Variants in NEDD4L observed in about 807,000 individuals in gnomAD.
NEDD4L encodes E3 ubiquitin-protein ligase NEDD4-like.
Under a neutral mutation model 148.9 loss-of-function variants are expected in NEDD4L, and 54 were observed. The observed-to-expected ratio is 0.36, with a 90% CI of 0.29 to 0.45. The LOEUF (loss-of-function observed/expected upper bound fraction) is 0.45, where lower values mean the gene tolerates loss of function less well. Among genes scored for constraint, NEDD4L ranks in the 20% least tolerant of loss-of-function variants. NEDD4L has a pLI of 1.00. For synonymous variants in NEDD4L, 433 were observed against 440.7 expected (o/e 0.98, Z 0.22); for missense variants, 856 against 1,233.8 (o/e 0.69, Z 4.59).
chr18:58,125,620 C>G (rs1284256295), intron 1 of NEDD4L, among the ~76,000 whole-genome samples: 3 of 152,204 alleles, frequency 2.0e-5, no homozygotes, highest in African/African-American at 7.2e-5. Flanking sequence ...TCTCCACTCT[C>G]TTCTCTGTGC....
intron 1 of NEDD4L, among the ~76,000 whole-genome samples, chr18:58,115,820 A>G (rs888206993): frequency 2.6e-5 from 4 of 152,228 alleles, no homozygotes; most frequent in Non-Finnish European, 5.9e-5. Context: ...CTTTTGGGCA[A>G]ACTTGACATT....
chr18:58,379,590 C>T (rs1568912665), intron 24 of NEDD4L, among the ~76,000 whole-genome samples: 1 of 152,178 alleles, frequency 6.6e-6, no homozygotes, highest in Non-Finnish European at 1.5e-5. Flanking sequence ...GCCGCCTCTC[C>T]AACCCCCATG....
intron 1 of NEDD4L, among the ~76,000 whole-genome samples, chr18:58,129,244 G>C (rs1305109458): frequency 6.6e-6 from 1 of 152,206 alleles, no homozygotes; most frequent in East Asian, 1.9e-4. Context: ...TGCTCAGCCT[G>C]CTTGCATCTC....
chr18:58,254,094 T>C (rs947940929), intron 5 of NEDD4L, among the ~76,000 whole-genome samples: 11 of 152,176 alleles, frequency 7.2e-5, no homozygotes, highest in Admixed American at 2.6e-4. Context: ...TCCATTTCTC[T>C]CATAGAGGTC....
chr18:58,255,179 T>C (rs2048360393), intron 5 of NEDD4L, among the ~76,000 whole-genome samples: 1 of 152,110 alleles, frequency 6.6e-6, no homozygotes, highest in African/African-American at 2.4e-5. Context: ...GCGAATGTGA[T>C]GTGGTTTAGA....
intron 5 of NEDD4L, among the ~76,000 whole-genome samples, chr18:58,314,215 G>A (rs1482166774): frequency 1.3e-5 from 2 of 152,112 alleles, no homozygotes; most frequent in Admixed American, 6.6e-5. Flanking sequence ...TCAGATGTTC[G>A]AGACCAGCCT....
chr18:58,253,991 G>GT (rs35718137), intron 5 of NEDD4L, among the ~76,000 whole-genome samples: 49,083 of 146,284 alleles, frequency 0.34, 8,200 homozygotes, highest in Non-Finnish European at 0.38. Flanking sequence ...TGGTGTTGCT[G>GT]TTTTTTTTTT....
chr18:58,143,897 A>G (rs1392815551), intron 1 of NEDD4L, among the ~76,000 whole-genome samples: 2 of 152,038 alleles, frequency 1.3e-5, no homozygotes, highest in Admixed American at 6.5e-5. Flanking sequence ...AGAAATGGGC[A>G]TTTTCCCTGT....
intron 2 of NEDD4L, among the ~76,000 whole-genome samples, chr18:58,172,878 TAA>T (rs1289506066): frequency 6.6e-6 from 1 of 152,222 alleles, no homozygotes; most frequent in Non-Finnish European, 1.5e-5. Flanking sequence ...TTCTTGAGGA[TAA>T]AAGTTTGAGA....
chr18:58,176,510 A>C (rs185128919), intron 2 of NEDD4L, among the ~76,000 whole-genome samples: 1 of 152,128 alleles, frequency 6.6e-6, no homozygotes, highest in African/African-American at 2.4e-5. Flanking sequence ...ATTTTTAAAA[A>C]TTTTTATAGA....
intron 1 of NEDD4L, among the ~76,000 whole-genome samples, chr18:58,151,658 T>TGTGTGTGTGTGTGTGTGTGTGTGTGTG (rs60365242): frequency 1.3e-5 from 2 of 151,044 alleles, no homozygotes; most frequent in East Asian, 3.9e-4. Context: ...TGTGTGTGTG[T>TGTGTGTGTGTGTGTGTGTGTGTGTGTG]TGGCTGGAGA....
At chr18:58,192,171 A>T (rs573233284) in intron 2 of NEDD4L, among the ~76,000 whole-genome samples, 44 of 152,316 alleles carry the variant, frequency 2.9e-4, no homozygotes, top group African/African-American at 9.1e-4. Flanking sequence ...ATAATAATTT[A>T]AAAAAACTTA....
intron 1 of NEDD4L, among the ~76,000 whole-genome samples, chr18:58,055,864 A>G (rs4605249): frequency 0.75 from 113,452 of 152,146 alleles, 42,803 homozygotes; most frequent in East Asian, 0.98. Flanking sequence ...TGTGTGTGCT[A>G]TGGAAATTGT....
chr18:58,268,625 G>T (rs1273934017), intron 5 of NEDD4L, among the ~76,000 whole-genome samples: 1 of 152,064 alleles, frequency 6.6e-6, no homozygotes. Context: ...GAATAGAGAT[G>T]GGTAGCGGAG....
At chr18:58,143,948 T>C (rs939851766) in intron 1 of NEDD4L, among the ~76,000 whole-genome samples, 5 of 152,192 alleles carry the variant, frequency 3.3e-5, no homozygotes, top group Non-Finnish European at 4.4e-5. Context: ...TTAGGTATTA[T>C]TAAGTCATAG....
chr18:58,061,603 G>A (rs2082339187), intron 1 of NEDD4L, among the ~76,000 whole-genome samples: 1 of 152,112 alleles, frequency 6.6e-6, no homozygotes, highest in Non-Finnish European at 1.5e-5. Context: ...CTTGCAGCAG[G>A]TAGTTCAAAG....
At chr18:58,206,483 A>C (rs1368084452) in intron 2 of NEDD4L, among the ~76,000 whole-genome samples, 3 of 152,184 alleles carry the variant, frequency 2.0e-5, no homozygotes, top group African/African-American at 7.2e-5. Flanking sequence ...AGATTATATC[A>C]AGTTTTCCAG....
intron 2 of NEDD4L, chr18:58,195,574 C>T (rs768624724): frequency 7.5e-7 from 1 of 1,339,832 alleles, no homozygotes; most frequent in Non-Finnish European, 9.8e-7. Context: ...CAGCACGGCA[C>T]CTCCCACTCC....
At chr18:58,351,200 G>T in intron 18 of NEDD4L, 155 bp downstream of exon 18, 1 of 984,978 alleles carries the variant, frequency 1.0e-6, no homozygotes, top group Non-Finnish European at 1.2e-6. Flanking sequence ...CCTTCATACG[G>T]TACTGTGCAT....
Sources: gnomAD v4.1 joint callset for allele counts (sites outside exome capture counted in the v4.1 genomes callset) on GRCh38, gnomAD v4.1.1 for gene constraint, MANE v1.5 for transcripts, NCBI Gene and HGNC (gene_info 2026-07-23, HGNC 2026-07-21) for gene names.